WIPF1: variants seen among roughly 807,000 people sequenced by gnomAD.
The protein encoded by WIPF1 is WAS/WASL-interacting protein family member 1.
Under a neutral mutation model 35.4 loss-of-function variants are expected in WIPF1, and 13 were observed. That is an observed-to-expected ratio of 0.37 (90% CI 0.24 to 0.58). The LOEUF (loss-of-function observed/expected upper bound fraction) is 0.58, where lower values mean the gene tolerates loss of function less well. WIPF1 is among the 20% of genes least tolerant of loss of function. The pLI is 0.74. For synonymous variants in WIPF1, 267 were observed against 266.3 expected (o/e 1.00, Z -0.02); for missense variants, 591 against 667.0 (o/e 0.89, Z 1.25).
In WIPF1 at chr2:174,571,730, G is replaced by T; in HGVS notation, c.1075C>A (p.Pro359Thr). 1 of 1,614,206 alleles carries T rather than the reference G, an allele frequency of 6.2e-7. No individual in the cohort carries two copies. The highest frequency in any genetic ancestry group is 8.5e-7 in the Non-Finnish European group (1 of 1,180,038). ...PSPGRSGPLP[P>T]PPSERPPPPV... ...GGTGGGGGTCTCTCACTGGGCGGGG[G>T]AGGAAGAGGACCTGAACGTCCTGGC... Residue 359 changes from proline (P) to threonine (T), a missense_variant, in exon 5 of 8, where the codon CCC becomes ACC. By Grantham distance (38) the Pro-to-Thr change is conservative. Coordinates refer to ENST00000679041, the MANE Select transcript of WIPF1 (RefSeq NM_001375834.1). The surrounding 1 kb of genome is among the most constrained non-coding windows in gnomAD (Gnocchi z 4.6).
chr2:174,653,232 A>C (rs1284581395), intron 1 of WIPF1, among the ~76,000 whole-genome samples: 1 of 152,154 alleles, frequency 6.6e-6, no homozygotes, highest in Non-Finnish European at 1.5e-5. Flanking sequence ...TAACCACTCC[A>C]TGTTAGAATA....
At chr2:174,661,160 G>A (rs1328228340) in intron 1 of WIPF1, among the ~76,000 whole-genome samples, 2 of 152,266 alleles carry the variant, frequency 1.3e-5, no homozygotes, top group Non-Finnish European at 2.9e-5. Context: ...GCAACAGGGA[G>A]GCCAGCGTGC....
At chr2:174,682,745 G>T (rs1055628186) in intron 1 of WIPF1, 1 of 151,666 alleles carries the variant, frequency 6.6e-6, no homozygotes, top group Non-Finnish European at 1.5e-5. Flanking sequence ...CCGGAACCCG[G>T]GTCGCGCCAG....
chr2:174,678,218 G>A (rs1412559899), intron 1 of WIPF1, among the ~76,000 whole-genome samples: 1 of 152,150 alleles, frequency 6.6e-6, no homozygotes, highest in Non-Finnish European at 1.5e-5. Flanking sequence ...ATTAAAAGAA[G>A]AAATTTAGTT....
chr2:174,605,611 TA>T (rs1686136134), intron 1 of WIPF1, among the ~76,000 whole-genome samples: 1 of 152,232 alleles, frequency 6.6e-6, no homozygotes, highest in Non-Finnish European at 1.5e-5. Context: ...TATTGTATTT[TA>T]CAAAGAATCC....
At chr2:174,607,593 A>G (rs1686211118) in intron 1 of WIPF1, among the ~76,000 whole-genome samples, 1 of 151,620 alleles carries the variant, frequency 6.6e-6, no homozygotes, top group Non-Finnish European at 1.5e-5. Context: ...GTCCTCGAGG[A>G]TTTGACACTC....
intron 1 of WIPF1, among the ~76,000 whole-genome samples, chr2:174,592,570 C>T (rs1685650463): frequency 6.6e-6 from 1 of 150,620 alleles, no homozygotes; most frequent in African/African-American, 2.4e-5. Flanking sequence ...CTCTTGCCCT[C>T]ATTATTTTCT....
At chr2:174,605,616 A>G (rs137968803) in intron 1 of WIPF1, among the ~76,000 whole-genome samples, 2,663 of 152,328 alleles carry the variant, frequency 0.017, 89 homozygotes, top group African/African-American at 0.061. Flanking sequence ...TATTTTACAA[A>G]GAATCCCTAA....
intron 1 of WIPF1, chr2:174,677,265 T>G (rs1424401929): frequency 6.6e-6 from 1 of 152,254 alleles, no homozygotes; most frequent in Non-Finnish European, 1.5e-5. Flanking sequence ...AACAAAGATC[T>G]GTTTGGCTTT....
intron 1 of WIPF1, among the ~76,000 whole-genome samples, chr2:174,593,781 T>TC (rs1685707579): frequency 6.6e-6 from 1 of 152,074 alleles, no homozygotes; most frequent in Non-Finnish European, 1.5e-5. Context: ...TACCATCCCT[T>TC]CCCCCCAGCA....
intron 7 of WIPF1, among the ~76,000 whole-genome samples, chr2:174,562,935 G>T (rs529938562): frequency 2.0e-4 from 31 of 152,292 alleles, no homozygotes; most frequent in African/African-American, 7.2e-4. Context: ...CCAGCACCCA[G>T]AGATAACCAA....
chr2:174,564,815 G>GCACACACACACACACA (rs10587549), intron 7 of WIPF1, among the ~76,000 whole-genome samples: 1 of 143,414 alleles, frequency 7.0e-6, no homozygotes, highest in Non-Finnish European at 1.5e-5. Flanking sequence ...TTCTTCTGGT[G>GCACACACACACACACA]CACACACACA....
intron 1 of WIPF1, among the ~76,000 whole-genome samples, chr2:174,644,351 A>C (rs1345855768): frequency 6.6e-6 from 1 of 152,108 alleles, no homozygotes; most frequent in Non-Finnish European, 1.5e-5. Flanking sequence ...AATAAGAATA[A>C]TTGTATAAGA....
At chr2:174,644,355 T>C (rs1687358068) in intron 1 of WIPF1, among the ~76,000 whole-genome samples, 1 of 152,158 alleles carries the variant, frequency 6.6e-6, no homozygotes, top group African/African-American at 2.4e-5. Flanking sequence ...AGAATAATTG[T>C]ATAAGAGGTT....
chr2:174,611,632 T>C (rs1412164435), intron 1 of WIPF1, among the ~76,000 whole-genome samples: 1 of 152,138 alleles, frequency 6.6e-6, no homozygotes, highest in Non-Finnish European at 1.5e-5. Flanking sequence ...GGGGCTCCTG[T>C]CCCCCAAATA....
At position 174,571,287 on chromosome 2, in the gene WIPF1, A is replaced by C; in HGVS notation, c.1129+389T>G. On this transcript the variant is annotated intron_variant, in intron 5 of 7. Transcript: ENST00000679041. The surrounding 1 kb of genome is among the most constrained non-coding windows in gnomAD (Gnocchi z 4.6). ...AAGAACTTCCCCTCTTGTTGGAATA[A>C]CAGAGCCCTCCTGCGGGAGGTGGGG... 2.2e-6 allele frequency: 1 copy of C among 450,606 alleles called. No homozygotes were observed. Among genetic ancestry groups the C allele is most frequent in the Non-Finnish European group, 3.9e-6 (1 of 253,308 alleles). The allele number at this position is 450,606 out of a possible 1,614,324, so 27.9% of individuals were successfully genotyped here. A position where few individuals can be genotyped will look rare whatever the true frequency, so the allele number is the denominator to read the frequency against.
intron 1 of WIPF1, among the ~76,000 whole-genome samples, chr2:174,669,476 G>A (rs966221713): frequency 6.6e-6 from 1 of 152,190 alleles, no homozygotes; most frequent in Non-Finnish European, 1.5e-5. Flanking sequence ...CCAGGTATAT[G>A]CCAAGCATTA....
At chr2:174,648,277 C>G (rs1402538912) in intron 1 of WIPF1, among the ~76,000 whole-genome samples, 1 of 151,802 alleles carries the variant, frequency 6.6e-6, no homozygotes, top group East Asian at 1.9e-4. Flanking sequence ...CTGGGTGGTG[C>G]CTAAAGTAGA....
At chr2:174,659,099 A>G (rs941118527) in intron 1 of WIPF1, among the ~76,000 whole-genome samples, 1 of 152,168 alleles carries the variant, frequency 6.6e-6, no homozygotes, top group Non-Finnish European at 1.5e-5. Flanking sequence ...TAAAATGTAA[A>G]TCTTTTAATA....
Sources: allele counts gnomAD v4.1 joint callset (sites outside exome capture counted in the v4.1 genomes callset), GRCh38; gene constraint gnomAD v4.1.1; non-coding constraint Gnocchi (gnomAD v3.1); transcripts MANE v1.5; gene names NCBI Gene and HGNC (gene_info 2026-07-23, HGNC 2026-07-21).